Variants in LRMDA observed in about 807,000 individuals in gnomAD.
LRMDA encodes the protein leucine rich melanocyte differentiation associated.
A neutral mutation model predicts 29.8 loss-of-function variants in LRMDA; 18 were observed. That is an observed-to-expected ratio of 0.60 (90% CI 0.42 to 0.90). The LOEUF (loss-of-function observed/expected upper bound fraction) is 0.90, where lower values mean the gene tolerates loss of function less well. Among genes scored for constraint, LRMDA ranks in the 40% least tolerant of loss-of-function variants. The pLI, the probability that LRMDA is intolerant of heterozygous loss-of-function variation, is 0.00. For synonymous variants in LRMDA, 125 were observed against 109.4 expected (o/e 1.14, Z -0.89); for missense variants, 273 against 273.9 (o/e 1.00, Z 0.02).
At chr10:76,243,499 A>G (rs1852318266) in intron 5 of LRMDA, among the ~76,000 whole-genome samples, 1 of 152,218 alleles carries the variant, frequency 6.6e-6, no homozygotes. Flanking sequence ...AAAGGAGTCA[A>G]TCATTTGATG....
intron 2 of LRMDA, among the ~76,000 whole-genome samples, chr10:75,707,849 G>C (rs1453956957): frequency 3.3e-5 from 5 of 152,118 alleles, no homozygotes; most frequent in African/African-American, 1.2e-4. Context: ...GGGGACTGGG[G>C]CTTTTTTGCC....
chr10:76,363,164 AGAAAG>A (rs1841336586), intron 6 of LRMDA, among the ~76,000 whole-genome samples: 3 of 34,146 alleles, frequency 8.8e-5, no homozygotes, highest in African/African-American at 3.6e-4. Context: ...AAAGAAAGAA[AGAAAG>A]AAAGAAAGGA....
intron 2 of LRMDA, among the ~76,000 whole-genome samples, chr10:75,965,663 C>T (rs1269770596): frequency 6.6e-6 from 1 of 152,118 alleles, no homozygotes; most frequent in East Asian, 1.9e-4. Flanking sequence ...GCTCAGTTTC[C>T]TTTCTCTTCT....
chr10:75,754,690 A>G (rs1262217338), intron 2 of LRMDA, among the ~76,000 whole-genome samples: 1 of 152,154 alleles, frequency 6.6e-6, no homozygotes, highest in Non-Finnish European at 1.5e-5. Flanking sequence ...TCAACTCAGC[A>G]TTTTTAATAG....
chr10:76,536,536 CTT>C (rs1434359453), intron 6 of LRMDA, among the ~76,000 whole-genome samples: 1 of 152,124 alleles, frequency 6.6e-6, no homozygotes, highest in Non-Finnish European at 1.5e-5. Context: ...ACCTTTCCTA[CTT>C]TTCATGACAT....
intron 2 of LRMDA, among the ~76,000 whole-genome samples, chr10:75,907,552 G>C (rs1384946590): frequency 6.6e-6 from 1 of 152,120 alleles, no homozygotes; most frequent in Non-Finnish European, 1.5e-5. Flanking sequence ...GACAAACAAG[G>C]GTTTCTCATT....
chr10:76,516,394 G>A (rs944159111), intron 6 of LRMDA, among the ~76,000 whole-genome samples: 3 of 152,076 alleles, frequency 2.0e-5, no homozygotes, highest in Non-Finnish European at 4.4e-5. Context: ...TGCACAATGT[G>A]CAGGTTTGTT....
At chr10:75,923,253 G>T (rs1846056636) in intron 2 of LRMDA, among the ~76,000 whole-genome samples, 1 of 152,208 alleles carries the variant, frequency 6.6e-6, no homozygotes, top group Non-Finnish European at 1.5e-5. Context: ...TAACATTGAA[G>T]AGGGTATAGA....
chr10:76,088,800 T>C (rs1476552220), intron 5 of LRMDA, among the ~76,000 whole-genome samples: 1 of 152,218 alleles, frequency 6.6e-6, no homozygotes, highest in Non-Finnish European at 1.5e-5. Context: ...AGCTTCAAGA[T>C]TTCCTTCTTC....
At chr10:76,054,635 G>C (rs1159095100) in intron 4 of LRMDA, among the ~76,000 whole-genome samples, 1 of 151,584 alleles carries the variant, frequency 6.6e-6, no homozygotes, top group African/African-American at 2.4e-5. Context: ...CACTTAGTGG[G>C]TGTCTTTACT....
intron 2 of LRMDA, among the ~76,000 whole-genome samples, chr10:75,801,807 G>A (rs1230370032): frequency 6.6e-6 from 1 of 152,160 alleles, no homozygotes; most frequent in Admixed American, 6.5e-5. Context: ...TTTTTGCCTT[G>A]TACTCTAGGA....
intron 2 of LRMDA, among the ~76,000 whole-genome samples, chr10:75,881,971 A>T (rs1407101265): frequency 6.6e-6 from 1 of 152,158 alleles, no homozygotes; most frequent in East Asian, 1.9e-4. Flanking sequence ...ACCTTGTTTG[A>T]CCGATGGAGG....
At chr10:75,929,622 A>G (rs1433949103) in intron 2 of LRMDA, among the ~76,000 whole-genome samples, 1 of 152,204 alleles carries the variant, frequency 6.6e-6, no homozygotes, top group Non-Finnish European at 1.5e-5. Flanking sequence ...GCCCTGGTCC[A>G]CATAGCCCTC....
At chr10:75,903,911 C>G (rs953963096) in intron 2 of LRMDA, among the ~76,000 whole-genome samples, 2 of 152,204 alleles carry the variant, frequency 1.3e-5, no homozygotes, top group African/African-American at 4.8e-5. Context: ...ACTTCAGCTT[C>G]TTCGCAAATG....
chr10:75,728,097 A>G (rs1184834418), intron 2 of LRMDA, among the ~76,000 whole-genome samples: 2 of 152,190 alleles, frequency 1.3e-5, no homozygotes, highest in African/African-American at 4.8e-5. Flanking sequence ...AGATGAGGAA[A>G]CTGAGGTTTA....
intron 2 of LRMDA, among the ~76,000 whole-genome samples, chr10:75,616,240 T>TAGCAGCAGC (rs773644340): frequency 1.1e-3 from 155 of 146,890 alleles, no homozygotes; most frequent in African/African-American, 3.6e-3. Flanking sequence ...ATAGTAGCAG[T>TAGCAGCAGC]AGCAGCAGTA....
intron 2 of LRMDA, among the ~76,000 whole-genome samples, chr10:75,529,756 GT>G: frequency 6.6e-6 from 1 of 152,256 alleles, no homozygotes; most frequent in East Asian, 1.9e-4. Flanking sequence ...GAAAGAATTA[GT>G]TTTTTATATC....
intron 2 of LRMDA, among the ~76,000 whole-genome samples, chr10:75,548,507 C>T (rs1447354672): frequency 6.6e-6 from 1 of 152,110 alleles, no homozygotes; most frequent in African/African-American, 2.4e-5. Flanking sequence ...TAGGTTCCTT[C>T]TGACCTGGAC....
chr10:76,214,565 C>T (rs1406691106), intron 5 of LRMDA, among the ~76,000 whole-genome samples: 5 of 151,856 alleles, frequency 3.3e-5, no homozygotes, highest in African/African-American at 9.7e-5. Context: ...AGGATGGTCT[C>T]GATCTCCTGA....
Sources: allele counts gnomAD v4.1 joint callset (sites outside exome capture counted in the v4.1 genomes callset), GRCh38; gene constraint gnomAD v4.1.1; transcripts MANE v1.5; gene names NCBI Gene and HGNC (gene_info 2026-07-23, HGNC 2026-07-21).